Variants in AKAP6 observed in about 807,000 individuals in gnomAD.
The protein encoded by AKAP6 is A-kinase anchor protein 6.
In AKAP6, 58 loss-of-function variants were observed where a neutral mutation model predicts 188.5. The ratio of observed to expected loss-of-function variants is 0.31; its 90% CI spans 0.25 to 0.38. AKAP6 has a LOEUF of 0.38. AKAP6 is among the 10% of genes least tolerant of loss of function. The pLI, the probability that AKAP6 is intolerant of heterozygous loss-of-function variation, is 1.00. For synonymous variants in AKAP6, 989 were observed against 998.6 expected, an observed-to-expected ratio of 0.99 and a Z score of 0.18; for missense variants, 2,710 against 2,740.0, an observed-to-expected ratio of 0.99 and a Z score of 0.24.
intron 12 of AKAP6, among the ~76,000 whole-genome samples, chr14:32,791,712 T>A (rs1013591563): frequency 1.4e-4 from 22 of 152,200 alleles, no homozygotes; most frequent in Admixed American, 3.3e-4. Flanking sequence ...ATGTCCTGAA[T>A]GATATTGCCT....
chr14:32,786,298 C>CTTTTTT lies in AKAP6; in HGVS notation c.3588+12427_3588+12432dup, dbSNP rs1162974012. 5.4e-3 allele frequency among the ~76,000 whole-genome samples: 447 copies of CTTTTTT among 82,534 alleles called. 36 individuals are homozygous for CTTTTTT. Among genetic ancestry groups the CTTTTTT allele is most frequent in the Non-Finnish European group, 6.4e-3 (298 of 46,652 alleles). 54.1% of individuals were successfully genotyped at this position (82,534 alleles called of 152,430 possible). On this transcript the variant is annotated intron_variant, in intron 12 of 13. Transcript: ENST00000280979. ...CCCTCTGAAAGACCTAAACCTTTAT[C>CTTTTTT]TTTTTTTTTTTTTTTTTTTTTTTTT...
chr14:32,753,484 C>T (rs1366911805), intron 11 of AKAP6, among the ~76,000 whole-genome samples: 5 of 152,146 alleles, frequency 3.3e-5, no homozygotes, highest in Admixed American at 3.3e-4. Context: ...TCTTTTCACT[C>T]TGTTGATTGT....
chr14:32,667,619 C>T (rs1008128341), intron 7 of AKAP6, among the ~76,000 whole-genome samples: 24 of 152,086 alleles, frequency 1.6e-4, no homozygotes, highest in African/African-American at 5.5e-4. Context: ...GGGTGGGTGT[C>T]GGTTTGAATG....
intron 1 of AKAP6, among the ~76,000 whole-genome samples, chr14:32,361,629 A>T (rs1490623142): frequency 6.6e-6 from 1 of 152,126 alleles, no homozygotes; most frequent in African/African-American, 2.4e-5. Flanking sequence ...CCTGTAGGGG[A>T]TATTTCTACC....
chr14:32,558,442 G>T (rs1197542829), intron 4 of AKAP6, among the ~76,000 whole-genome samples: 1 of 152,154 alleles, frequency 6.6e-6, no homozygotes, highest in Non-Finnish European at 1.5e-5. Context: ...AATGTAGCTT[G>T]ATGAAGCATC....
At chr14:32,599,581 C>CAGCAA in intron 6 of AKAP6, 75 bp downstream of exon 6, 5 of 1,131,338 alleles carry the variant, frequency 4.4e-6, no homozygotes, top group Non-Finnish European at 6.6e-6. Flanking sequence ...CTGTAAATTA[C>CAGCAA]TGCATATATT....
At chr14:32,521,826 G>T (rs1434745235) in intron 2 of AKAP6, among the ~76,000 whole-genome samples, 1 of 152,016 alleles carries the variant, frequency 6.6e-6, no homozygotes, top group Non-Finnish European at 1.5e-5. Context: ...TCACAGAATT[G>T]GAAAAAAACT....
At chr14:32,426,361 G>C (rs1226713347) in intron 1 of AKAP6, among the ~76,000 whole-genome samples, 1 of 152,112 alleles carries the variant, frequency 6.6e-6, no homozygotes, top group Non-Finnish European at 1.5e-5. Flanking sequence ...TAATTTCCTT[G>C]AGGGTGAATA....
At chr14:32,538,615 A>G (rs1312765185) in intron 3 of AKAP6, among the ~76,000 whole-genome samples, 2 of 152,144 alleles carry the variant, frequency 1.3e-5, no homozygotes, top group Non-Finnish European at 1.5e-5. Flanking sequence ...AAACAAACAA[A>G]TAAAGAACAC....
chr14:32,582,869 T>G (rs1291095756), intron 5 of AKAP6, among the ~76,000 whole-genome samples: 1 of 152,072 alleles, frequency 6.6e-6, no homozygotes, highest in South Asian at 2.1e-4. Context: ...TCTGTATTGG[T>G]TATTCTAGTT....
At chr14:32,466,846 T>TATA (rs879653303) in intron 2 of AKAP6, among the ~76,000 whole-genome samples, 7 of 142,632 alleles carry the variant, frequency 4.9e-5, no homozygotes, top group Non-Finnish European at 7.5e-5. Context: ...TATATATATA[T>TATA]TTTCTTTCTT....
chr14:32,523,277 T>G (rs1244132700), intron 2 of AKAP6, among the ~76,000 whole-genome samples: 1 of 152,126 alleles, frequency 6.6e-6, no homozygotes, highest in African/African-American at 2.4e-5. Context: ...TGTATACATA[T>G]GTAACAAACC....
chr14:32,674,120 G>A (rs1889332563), intron 7 of AKAP6, among the ~76,000 whole-genome samples: 1 of 152,170 alleles, frequency 6.6e-6, no homozygotes, highest in South Asian at 2.1e-4. Flanking sequence ...TACGTGCAAA[G>A]GTCCTGAGGC....
chr14:32,486,991 A>G (rs1037298985), intron 2 of AKAP6, among the ~76,000 whole-genome samples: 8 of 152,212 alleles, frequency 5.3e-5, no homozygotes, highest in Admixed American at 5.2e-4. Context: ...GAAATGCTCC[A>G]TCAATACCTA....
At chr14:32,331,195 C>T (rs563949534) in intron 1 of AKAP6, among the ~76,000 whole-genome samples, 11 of 152,080 alleles carry the variant, frequency 7.2e-5, no homozygotes, top group African/African-American at 2.6e-4. Flanking sequence ...ACATGAATTT[C>T]TAGGAGTAAA....
At chr14:32,708,532 G>C (rs965994359) in intron 9 of AKAP6, among the ~76,000 whole-genome samples, 6 of 151,976 alleles carry the variant, frequency 3.9e-5, no homozygotes, top group African/African-American at 1.4e-4. Flanking sequence ...CTAATACCAG[G>C]AGAGGGCTGA....
rs760617488 is a variant in AKAP6, at chr14:32,823,052, A to G, written c.5239A>G (p.Thr1747Ala). The G allele has an allele frequency of 6.2e-7, 1 of 1,613,852 alleles. No homozygotes were observed. The highest frequency in any genetic ancestry group is 1.1e-5 in the South Asian group (1 of 91,086). ...TAATGTCTCTTGCACCTCTGCTTGCACTGATGATGAAGATGACAGCGACCT... is the reference window on the plus strand; with the variant it reads ...TAATGTCTCTTGCACCTCTGCTTGCGCTGATGATGAAGATGACAGCGACCT... ...IVNVSCTSACTDDEDDSDLLS... is the reference protein window; with the variant it reads ...IVNVSCTSACADDEDDSDLLS... Residue 1747 changes from threonine (T) to alanine (A), a missense_variant, in exon 13 of 14, where the codon ACT (threonine) becomes GCT (alanine). Around this residue, in one of 2 missense-constraint regions of AKAP6, gnomAD observed 2,473 missense variants for 2,426.1 expected, o/e 1.02. Coordinates refer to ENST00000280979, the MANE Select transcript of AKAP6 (RefSeq NM_004274.5).
At chr14:32,780,131 A>T (rs1196505480) in intron 12 of AKAP6, among the ~76,000 whole-genome samples, 2 of 124,626 alleles carry the variant, frequency 1.6e-5, no homozygotes, top group East Asian at 4.3e-4. Context: ...CATTAGATGA[A>T]TGGAAAAAGA....
chr14:32,438,014 C>T (rs1360619057), intron 2 of AKAP6, among the ~76,000 whole-genome samples: 1 of 152,172 alleles, frequency 6.6e-6, no homozygotes, highest in Non-Finnish European at 1.5e-5. Flanking sequence ...CAGGGCCAGG[C>T]ACTTAGGACT....
Sources: allele counts gnomAD v4.1 joint callset (sites outside exome capture counted in the v4.1 genomes callset), GRCh38; gene constraint gnomAD v4.1.1; regional missense constraint gnomAD v4.1.1; transcripts MANE v1.5; gene names NCBI Gene and HGNC (gene_info 2026-07-23, HGNC 2026-07-21).